The following GTF2IRD1 variants were observed in gnomAD, a reference collection of about 807,000 sequenced individuals.
GTF2IRD1 encodes GTF2I repeat domain containing 1.
GTF2IRD1 carries 26 observed loss-of-function variants against 113.2 expected under a neutral mutation model. That is an observed-to-expected ratio of 0.23 (90% CI 0.17 to 0.32). The LOEUF (loss-of-function observed/expected upper bound fraction) is 0.32. Among genes scored for constraint, GTF2IRD1 ranks in the 10% least tolerant of loss-of-function variants. The pLI, the probability that GTF2IRD1 is intolerant of heterozygous loss-of-function variation, is 1.00. For synonymous variants in GTF2IRD1, 484 were observed against 529.1 expected, an observed-to-expected ratio of 0.91 and a Z score of 1.17; for missense variants, 864 against 1,280.8, an observed-to-expected ratio of 0.67 and a Z score of 4.97.
rs587743412 is a variant in GTF2IRD1, at chr7:74,551,234, T to G, written c.1917-3940T>G. ...GGTGCACACCTGTAGTCCGAGCTCCTCGGGTGGCTGAGGCTCAAGAATCAC... is the reference window on the plus strand; with the variant it reads ...GGTGCACACCTGTAGTCCGAGCTCCGCGGGTGGCTGAGGCTCAAGAATCAC... On this transcript the variant is annotated intron_variant, in intron 17 of 26. Transcript: ENST00000424337. Among the ~76,000 whole-genome samples the G allele has an allele frequency of 3.3e-5, 5 of 152,086 alleles. 1 individual carries two copies. The South Asian group carries it at 1.0e-3, about 32-fold the overall frequency.
intron 9 of GTF2IRD1, among the ~76,000 whole-genome samples, chr7:74,531,873 C>T (rs587760622): frequency 6.6e-6 from 1 of 152,228 alleles, no homozygotes; most frequent in East Asian, 1.9e-4. Context: ...CCCACCTCTG[C>T]CCCAACCCCA....
chr7:74,463,192 G>A (rs1793491382), intron 1 of GTF2IRD1, among the ~76,000 whole-genome samples: 1 of 152,182 alleles, frequency 6.6e-6, no homozygotes. Context: ...ACGGAACAGG[G>A]CTGGCCGAGT....
In GTF2IRD1 at chr7:74,515,608, C is replaced by G. The variant is rs587671041; in HGVS notation, c.421+12C>G. 6.3e-7 allele frequency: 1 copy of G among 1,597,790 alleles called. No homozygotes were observed. The highest frequency in any genetic ancestry group is 1.1e-5 in the South Asian group (1 of 90,338). On this transcript the variant is annotated intron_variant, in intron 4 of 26. Transcript: ENST00000424337. ...TGATGTTCTTTATAGTAAGATCCTTCCTCATTCCATTTGGGGGCCCCAGGG... is the reference window on the plus strand; with the variant it reads ...TGATGTTCTTTATAGTAAGATCCTTGCTCATTCCATTTGGGGGCCCCAGGG...
At chr7:74,484,597 T>C (rs985135361) in intron 1 of GTF2IRD1, among the ~76,000 whole-genome samples, 1 of 152,040 alleles carries the variant, frequency 6.6e-6, no homozygotes, top group Admixed American at 6.6e-5. Context: ...TAGCTGTGAT[T>C]ACAGGCACCT....
intron 1 of GTF2IRD1, among the ~76,000 whole-genome samples, chr7:74,504,086 A>T (rs1392585433): frequency 6.6e-6 from 1 of 152,108 alleles, no homozygotes; most frequent in Non-Finnish European, 1.5e-5. Context: ...AAAGGACATG[A>T]TTTTGTTCTT....
chr7:74,568,540 T>G (rs1289693672), intron 22 of GTF2IRD1, among the ~76,000 whole-genome samples: 3 of 151,574 alleles, frequency 2.0e-5, no homozygotes, highest in Non-Finnish European at 2.9e-5. Context: ...CCCAGCTACT[T>G]GGGAGGCTGA....
At chr7:74,456,816 G>T (rs1032957795) in intron 1 of GTF2IRD1, among the ~76,000 whole-genome samples, 2 of 152,000 alleles carry the variant, frequency 1.3e-5, no homozygotes, top group Non-Finnish European at 2.9e-5. Context: ...GAGGAGGCTG[G>T]GGGGCTTCCT....
chr7:74,579,309 A>T (rs56953947), intron 22 of GTF2IRD1, among the ~76,000 whole-genome samples: 19 of 152,026 alleles, frequency 1.2e-4, no homozygotes, highest in East Asian at 7.7e-4. Context: ...CTAAAAAAAA[A>T]TTTTTTTTGA....
chr7:74,567,164 C>T (rs1554360919), intron 22 of GTF2IRD1, among the ~76,000 whole-genome samples: 1 of 151,916 alleles, frequency 6.6e-6, no homozygotes, highest in African/African-American at 2.4e-5. Context: ...CCCGTCTCTA[C>T]TAAAAATACA....
intron 22 of GTF2IRD1, among the ~76,000 whole-genome samples, chr7:74,564,215 C>T (rs1554359956): frequency 6.6e-6 from 1 of 152,048 alleles, no homozygotes; most frequent in African/African-American, 2.4e-5. Flanking sequence ...TGAGTAGAGA[C>T]GGGGTTTCAC....
chr7:74,516,696 C>T (rs587715617), intron 4 of GTF2IRD1, among the ~76,000 whole-genome samples: 2 of 152,138 alleles, frequency 1.3e-5, no homozygotes, highest in South Asian at 4.1e-4. Flanking sequence ...CACTGGCCAC[C>T]CTGGGATGGG....
chr7:74,486,668 G>A (rs1554335640), intron 1 of GTF2IRD1, among the ~76,000 whole-genome samples: 2 of 152,104 alleles, frequency 1.3e-5, no homozygotes, highest in African/African-American at 4.8e-5. Context: ...GCATCTGTCT[G>A]CCTCACAATC....
intron 1 of GTF2IRD1, among the ~76,000 whole-genome samples, chr7:74,464,010 C>T (rs1291692632): frequency 6.6e-6 from 1 of 152,110 alleles, no homozygotes; most frequent in Non-Finnish European, 1.5e-5. Context: ...AGGTGTGAGC[C>T]ACCGCGCCCT....
intron 1 of GTF2IRD1, among the ~76,000 whole-genome samples, chr7:74,486,204 C>T (rs1418780559): frequency 6.6e-6 from 1 of 152,146 alleles, no homozygotes; most frequent in Non-Finnish European, 1.5e-5. Context: ...CTCTTGACCT[C>T]AAGTGATCCG....
chr7:74,570,536 C>T (rs1206990332), intron 22 of GTF2IRD1, among the ~76,000 whole-genome samples: 3 of 152,014 alleles, frequency 2.0e-5, no homozygotes, highest in Non-Finnish European at 4.4e-5. Flanking sequence ...CATCTGTAGT[C>T]TCAGGTACTC....
chr7:74,554,290 C>CTA, intron 17 of GTF2IRD1, among the ~76,000 whole-genome samples: 2 of 152,288 alleles, frequency 1.3e-5, no homozygotes, highest in Middle Eastern at 6.8e-3. Flanking sequence ...CAGGCTTGCT[C>CTA]TAACAGGACA....
chr7:74,460,968 G>A (rs550014824), intron 1 of GTF2IRD1, among the ~76,000 whole-genome samples: 3 of 152,122 alleles, frequency 2.0e-5, no homozygotes, highest in Non-Finnish European at 2.9e-5. Flanking sequence ...AGCCTCTGGA[G>A]TGGGGGAAAT....
intron 9 of GTF2IRD1, among the ~76,000 whole-genome samples, chr7:74,534,340 G>A (rs992299314): frequency 1.3e-5 from 2 of 152,212 alleles, no homozygotes; most frequent in Non-Finnish European, 2.9e-5. Context: ...CGTGGGTCAC[G>A]CCTGTAATCC....
At chr7:74,519,086 C>T (rs1355789106) in intron 5 of GTF2IRD1, among the ~76,000 whole-genome samples, 1 of 152,164 alleles carries the variant, frequency 6.6e-6, no homozygotes, top group Non-Finnish European at 1.5e-5. Context: ...GCTAAGTGCC[C>T]CAGGCAATGC....
Sources: allele counts gnomAD v4.1 joint callset (sites outside exome capture counted in the v4.1 genomes callset), GRCh38; gene constraint gnomAD v4.1.1; transcripts MANE v1.5; gene names NCBI Gene and HGNC (gene_info 2026-07-23, HGNC 2026-07-21).